The following CTTNBP2 variants were observed in gnomAD, a reference collection of about 807,000 sequenced individuals.
CTTNBP2 encodes the protein cortactin-binding protein 2.
Under a neutral mutation model 156.9 loss-of-function variants are expected in CTTNBP2, and 108 were observed. The ratio of observed to expected loss-of-function variants is 0.69; its 90% CI spans 0.59 to 0.81. The LOEUF is 0.81. Among genes scored for constraint, CTTNBP2 ranks in the 30% least tolerant of loss-of-function variants. The pLI is 0.00. For missense variants in CTTNBP2, 1,924 were observed against 2,035.4 expected, an observed-to-expected ratio of 0.95 and a Z score of 1.05; for synonymous variants, 767 against 751.8, an observed-to-expected ratio of 1.02 and a Z score of -0.33.
chr7:117,865,146 T>G (rs947446847), intron 1 of CTTNBP2, among the ~76,000 whole-genome samples: 1 of 151,774 alleles, frequency 6.6e-6, no homozygotes, highest in African/African-American at 2.4e-5. Flanking sequence ...TCAAATTGGA[T>G]AGAAGACAGG....
intron 10 of CTTNBP2, 162 bp from the exon 11 acceptor site, chr7:117,758,132 C>A: frequency 1.8e-6 from 1 of 564,114 alleles, no homozygotes; most frequent in Non-Finnish European, 3.1e-6. Flanking sequence ...GGGGTTAGCT[C>A]CCTAATGAAA....
At chr7:117,818,363 C>T (rs1352732883) in intron 2 of CTTNBP2, among the ~76,000 whole-genome samples, 2 of 152,116 alleles carry the variant, frequency 1.3e-5, no homozygotes, top group South Asian at 2.1e-4. Context: ...AGCTCTAACC[C>T]GCTCAACACA....
In CTTNBP2 at chr7:117,873,411, G is replaced by A. The variant is rs748138184; in HGVS notation, c.5C>T (p.Ala2Val). ...GGGCTCGCAGCTCGCGCCGTCCGTC[G>A]CCATCTTCCTGCTCTAGCGGATCCG... MATDGASCEPDL... is the reference protein window; with the variant it reads MVTDGASCEPDL... Residue 2 changes from alanine (A) to valine (V), a missense_variant, in exon 1 of 23, where the codon GCG (alanine) becomes GTG (valine). Physicochemically the swap from Ala to Val is moderately conservative, Grantham distance 64. Transcript: ENST00000160373. 7 of 1,497,568 alleles carry A rather than the reference G, an allele frequency of 4.7e-6. No homozygotes were observed. Among genetic ancestry groups the A allele is most frequent in the South Asian group, 2.6e-5 (2 of 78,402 alleles). The allele number at this position is 1,497,568 out of a possible 1,614,324, so 92.8% of individuals were successfully genotyped here.
intron 14 of CTTNBP2, among the ~76,000 whole-genome samples, chr7:117,739,206 G>A (rs1408119251): frequency 2.0e-5 from 3 of 152,178 alleles, no homozygotes; most frequent in Non-Finnish European, 4.4e-5. Flanking sequence ...TCTAGTTCAG[G>A]TTATTCTGCG....
At chr7:117,834,241 G>A (rs1340460566) in intron 2 of CTTNBP2, among the ~76,000 whole-genome samples, 1 of 152,086 alleles carries the variant, frequency 6.6e-6, no homozygotes, top group African/African-American at 2.4e-5. Flanking sequence ...TTTTAGTAGA[G>A]ACAGGGTTTC....
At chr7:117,857,431 T>C (rs550474486) in intron 2 of CTTNBP2, among the ~76,000 whole-genome samples, 4 of 152,208 alleles carry the variant, frequency 2.6e-5, no homozygotes, top group Non-Finnish European at 5.9e-5. Flanking sequence ...ATGGATTGCT[T>C]TGAAAAGTCC....
chr7:117,777,597 T>C lies in CTTNBP2; in HGVS notation c.2692A>G (p.Lys898Glu), dbSNP rs1798175913. The C allele has an allele frequency of 3.1e-6, 5 of 1,613,910 alleles. No individual in the cohort carries two copies. ...GGEESPEGISKPVVPADLINH... is the reference protein window; with the variant it reads ...GGEESPEGISEPVVPADLINH... ...ATGAGGTCTGCAGGAACAACAGGCT[T>C]GGATATGCCTTCAGGACTCTCTTCT... Residue 898 changes from lysine to glutamate, a missense_variant, in exon 8 of 23, where the codon AAG becomes GAG. Transcript: ENST00000160373.
At chr7:117,751,273 C>T (rs560247715) in intron 12 of CTTNBP2, among the ~76,000 whole-genome samples, 1 of 152,288 alleles carries the variant, frequency 6.6e-6, no homozygotes, top group East Asian at 1.9e-4. Context: ...AGCAATAAAT[C>T]CCAAGTTTTA....
At chr7:117,819,926 C>A (rs1216866399) in intron 2 of CTTNBP2, among the ~76,000 whole-genome samples, 1 of 152,200 alleles carries the variant, frequency 6.6e-6, no homozygotes, top group Non-Finnish European at 1.5e-5. Context: ...CAATAAACCA[C>A]CAATTTTCTC....
intron 9 of CTTNBP2, 113 bp downstream of exon 9, chr7:117,766,946 G>T (rs535795912): frequency 1.4e-4 from 97 of 691,028 alleles, no homozygotes; most frequent in Middle Eastern, 1.0e-3. Context: ...CATAGCTAGG[G>T]CTCCAAAAAG....
rs765184059 is a variant in CTTNBP2 at position 117,767,066 on chromosome 7, C to A, written c.2889G>T (p.Glu963Asp). The change falls in exon 9 of 23, where the codon GAG becomes GAT. Residue 963 changes from glutamate to aspartate, a missense_variant. Glu to Asp is a conservative substitution (Grantham distance 45, BLOSUM62 2). Transcript: ENST00000160373. ...VATDDCKHLL[E>D]NLNALKIPLR... Reference sequence around the variant, plus strand: ...GCTCTGAACATCACTCACTCAGATTCTCCAGCAAATGCTTGCAGTCATCAG... The same window carrying A: ...GCTCTGAACATCACTCACTCAGATTATCCAGCAAATGCTTGCAGTCATCAG... 7.7e-6 allele frequency: 12 copies of A among 1,554,942 alleles called. 1 individual carries two copies. The highest frequency in any genetic ancestry group is 1.7e-4 in the Middle Eastern group (1 of 5,966).
At chr7:117,721,591 TA>T (rs1422712978) in intron 19 of CTTNBP2, among the ~76,000 whole-genome samples, 1 of 152,256 alleles carries the variant, frequency 6.6e-6, no homozygotes, top group African/African-American at 2.4e-5. Flanking sequence ...TATGTGGCAT[TA>T]GCCATGTACT....
chr7:117,751,123 G>A (rs1315884217), intron 12 of CTTNBP2, among the ~76,000 whole-genome samples: 2 of 152,170 alleles, frequency 1.3e-5, no homozygotes, highest in African/African-American at 2.4e-5. Flanking sequence ...GGAAACAAGT[G>A]ACCTCAACAA....
chr7:117,810,635 C>T, intron 3 of CTTNBP2, 130 bp downstream of exon 3: 2 of 728,200 alleles, frequency 2.7e-6, no homozygotes, highest in Non-Finnish European at 4.8e-6. Context: ...ATCTGTCAGC[C>T]TCTTGCACTT....
intron 16 of CTTNBP2, among the ~76,000 whole-genome samples, chr7:117,730,968 T>C (rs939172141): frequency 6.6e-6 from 1 of 152,328 alleles, no homozygotes; most frequent in South Asian, 2.1e-4. Context: ...TATATTAGAA[T>C]AGCTTCATGT....
In CTTNBP2 at chr7:117,791,040, A is replaced by G. The variant is rs527925825; in HGVS notation, c.2068+88T>C. On this transcript the variant is annotated intron_variant, in intron 4 of 22. Transcript: ENST00000160373. ...GGGGGAAGCATCAAATTTAAAAAAA[A>G]AGTTTCAAGGCAATGTGAAGAAAAT... The G allele has an allele frequency of 7.3e-4, 822 of 1,131,356 alleles. 2 individuals carry two copies. Among genetic ancestry groups the G allele is most frequent in the Non-Finnish European group, 9.6e-4 (755 of 790,026 alleles). 70.1% of individuals were successfully genotyped at this position (1,131,356 alleles called of 1,614,324 possible). A position where few individuals can be genotyped will look rare whatever the true frequency, so the allele number is the denominator to read the frequency against.
At chr7:117,844,085 G>A (rs1207872494) in intron 2 of CTTNBP2, among the ~76,000 whole-genome samples, 1 of 152,132 alleles carries the variant, frequency 6.6e-6, no homozygotes, top group Non-Finnish European at 1.5e-5. Flanking sequence ...AGACACTGCA[G>A]GAGGGAAAGA....
At chr7:117,848,842 A>G (rs2117179237) in intron 2 of CTTNBP2, among the ~76,000 whole-genome samples, 1 of 152,350 alleles carries the variant, frequency 6.6e-6, no homozygotes, top group East Asian at 1.9e-4. Flanking sequence ...TTATTCCTGT[A>G]AACCACTTCA....
intron 4 of CTTNBP2, among the ~76,000 whole-genome samples, chr7:117,788,184 C>T (rs747699314): frequency 1.4e-4 from 22 of 152,114 alleles, no homozygotes; most frequent in Non-Finnish European, 2.5e-4. Flanking sequence ...CATTTTGCCC[C>T]GGCTGGTCTT....
Sources: allele counts gnomAD v4.1 joint callset (sites outside exome capture counted in the v4.1 genomes callset), GRCh38; gene constraint gnomAD v4.1.1; transcripts MANE v1.5; gene names NCBI Gene and HGNC (gene_info 2026-07-23, HGNC 2026-07-21).